The following TCF4 variants were observed in gnomAD, a reference collection of about 807,000 sequenced individuals.
TCF4 encodes transcription factor 4, also known as SL3-3 enhancer factor 2.
Under a neutral mutation model 82.1 loss-of-function variants are expected in TCF4, and 3 were observed. The ratio of observed to expected loss-of-function variants is 0.04; its 90% confidence interval spans 0.02 to 0.09. TCF4 has a LOEUF of 0.09. Ranked by LOEUF, TCF4 falls within the 10% of genes least tolerant of loss-of-function variation. The pLI is 1.00. For synonymous variants in TCF4, 276 were observed against 309.6 expected, an observed-to-expected ratio of 0.89 and a Z score of 1.14; for missense variants, 518 against 852.7, an observed-to-expected ratio of 0.61 and a Z score of 4.89.
chr18:55,334,414 T>C (rs560791039), intron 8 of TCF4, among the ~76,000 whole-genome samples: 1 of 152,218 alleles, frequency 6.6e-6, no homozygotes, highest in South Asian at 2.1e-4. Flanking sequence ...CTGCCATAGT[T>C]TCTAATCAAA....
intron 8 of TCF4, among the ~76,000 whole-genome samples, chr18:55,313,233 T>C (rs2073107588): frequency 6.6e-6 from 1 of 152,102 alleles, no homozygotes; most frequent in Non-Finnish European, 1.5e-5. Context: ...GTGAGTTAAA[T>C]AGTTGATATC....
rs540710081 is a variant in TCF4, at chr18:55,370,902, T to G, written c.370-19899A>C. ...TAGGTATGAGTTAAACTGTAAAATGTGTTTCCTTTACAAAGTTTTTGAGAA... is the reference window on the plus strand; with the variant it reads ...TAGGTATGAGTTAAACTGTAAAATGGGTTTCCTTTACAAAGTTTTTGAGAA... On this transcript the variant is annotated intron_variant, in intron 6 of 19. Transcript: ENST00000354452. 4.6e-5 allele frequency among the ~76,000 whole-genome samples: 7 copies of G among 152,326 alleles called. No individual in the cohort carries two copies. The East Asian group carries it at 1.2e-3, about 25-fold the overall frequency.
intron 3 of TCF4, among the ~76,000 whole-genome samples, chr18:55,471,943 A>C (rs539093457): frequency 5.5e-4 from 84 of 152,328 alleles, no homozygotes; most frequent in African/African-American, 1.9e-3. Context: ...TGATAAGAAA[A>C]GTTAAAGGGT....
intron 8 of TCF4, among the ~76,000 whole-genome samples, chr18:55,327,712 C>T (rs1420374900): frequency 3.3e-5 from 5 of 151,966 alleles, no homozygotes; most frequent in African/African-American, 1.2e-4. Flanking sequence ...ATTTTTGATC[C>T]ATAAGTAAAT....
At chr18:55,296,012 T>G (rs8096841) in intron 8 of TCF4, among the ~76,000 whole-genome samples, 201 of 152,286 alleles carry the variant, frequency 1.3e-3, no homozygotes, top group African/African-American at 4.7e-3. Flanking sequence ...AGCTCACTCA[T>G]AGTAGGCATT....
chr18:55,228,703 GAC>G (rs1300420126), intron 18 of TCF4, 142 bp downstream of exon 18: 4 of 892,052 alleles, frequency 4.5e-6, no homozygotes, highest in East Asian at 5.3e-5. Context: ...TATGGATTTA[GAC>G]ACAGTCTGCA....
chr18:55,403,854 A>G (rs2093955559), intron 5 of TCF4: 1 of 1,472,724 alleles, frequency 6.8e-7, no homozygotes, highest in South Asian at 1.4e-5. Context: ...TTATTTACAC[A>G]GCAGGCAAAT....
chr18:55,384,010 A>T (rs2092325919), intron 6 of TCF4: 1 of 152,256 alleles, frequency 6.6e-6, no homozygotes. Context: ...CTCTTCTGAC[A>T]GAGAATCTCA....
intron 5 of TCF4, among the ~76,000 whole-genome samples, chr18:55,425,850 G>C (rs1226830715): frequency 6.6e-6 from 1 of 152,112 alleles, no homozygotes; most frequent in Non-Finnish European, 1.5e-5. Flanking sequence ...GAGGGATAAT[G>C]ATCAGGTGCT....
At chr18:55,498,475 T>C (rs946633351) in intron 3 of TCF4, among the ~76,000 whole-genome samples, 9 of 152,230 alleles carry the variant, frequency 5.9e-5, no homozygotes, top group Non-Finnish European at 1.0e-4. Context: ...GCGCTCTGGA[T>C]GTCAGTTTCT....
intron 8 of TCF4, among the ~76,000 whole-genome samples, chr18:55,310,408 C>T (rs965594550): frequency 6.6e-6 from 1 of 152,146 alleles, no homozygotes; most frequent in Non-Finnish European, 1.5e-5. Flanking sequence ...AAGAGTGGCT[C>T]AAGTTACTGT....
chr18:55,587,217 G>A (rs2097657385), intron 1 of TCF4, 81 bp from the exon 2 acceptor site: 1 of 916,830 alleles, frequency 1.1e-6, no homozygotes, highest in Non-Finnish European at 1.7e-6. Flanking sequence ...TGGAGACTGG[G>A]GGGTTGGGGG....
At chr18:55,370,586 G>A (rs1463549636) in intron 6 of TCF4, among the ~76,000 whole-genome samples, 3 of 152,050 alleles carry the variant, frequency 2.0e-5, no homozygotes, top group East Asian at 1.9e-4. Context: ...AAAATGGGCC[G>A]CTCACCATGG....
At chr18:55,532,978 C>T (rs1202301946) in intron 3 of TCF4, among the ~76,000 whole-genome samples, 1 of 152,064 alleles carries the variant, frequency 6.6e-6, no homozygotes, top group Non-Finnish European at 1.5e-5. Flanking sequence ...AACAAAAAAT[C>T]ACCAACACAG....
At chr18:55,242,914 C>T (rs1051446102) in intron 15 of TCF4, among the ~76,000 whole-genome samples, 4 of 152,174 alleles carry the variant, frequency 2.6e-5, no homozygotes, top group Middle Eastern at 3.4e-3. Context: ...AGCCCAGGCA[C>T]TGATATTTTA....
chr18:55,617,501 T>C (rs1023712481), intron 2 of TCF4, among the ~76,000 whole-genome samples: 9 of 152,118 alleles, frequency 5.9e-5, no homozygotes, highest in East Asian at 3.8e-4. Flanking sequence ...GGGGTTCCTT[T>C]GAATCTGTAG....
chr18:55,509,266 C>T (rs1319221169), intron 3 of TCF4, among the ~76,000 whole-genome samples: 1 of 152,056 alleles, frequency 6.6e-6, no homozygotes, highest in Non-Finnish European at 1.5e-5. Context: ...AAGTTATTCT[C>T]TTCTCTGGTA....
At chr18:55,552,779 C>G (rs1375991319) in intron 3 of TCF4, among the ~76,000 whole-genome samples, 1 of 152,224 alleles carries the variant, frequency 6.6e-6, no homozygotes. Flanking sequence ...TCGTTTCATC[C>G]ATTGTTACTC....
At chr18:55,485,363 T>C (rs2096498583) in intron 3 of TCF4, among the ~76,000 whole-genome samples, 1 of 152,216 alleles carries the variant, frequency 6.6e-6, no homozygotes, top group African/African-American at 2.4e-5. Context: ...TTTATGAACT[T>C]ACTGCTCACT....
Sources: allele counts gnomAD v4.1 joint callset (sites outside exome capture counted in the v4.1 genomes callset), GRCh38; gene constraint gnomAD v4.1.1; transcripts MANE v1.5; gene names NCBI Gene and HGNC (gene_info 2026-07-23, HGNC 2026-07-21).